The following MEGF11 variants were observed in gnomAD, a reference collection of about 807,000 sequenced individuals.
MEGF11 encodes multiple epidermal growth factor-like domains protein 11.
Under a neutral mutation model 146.6 loss-of-function variants are expected in MEGF11, and 126 were observed. The observed-to-expected ratio is 0.86, with a 90% confidence interval of 0.74 to 1.00. The LOEUF (loss-of-function observed/expected upper bound fraction) is 1.00, where lower values mean the gene tolerates loss of function less well. Among genes scored for constraint, MEGF11 ranks in the 50% least tolerant of loss-of-function variants. The probability of loss-of-function intolerance (pLI) is 0.00; values close to 1 mark genes in which losing one functional copy is unlikely to be tolerated. For missense variants in MEGF11, 1,509 were observed against 1,521.2 expected (o/e 0.99, Z 0.13); for synonymous variants, 532 against 583.4 (o/e 0.91, Z 1.27).
At chr15:66,040,602 C>A (rs556711127) in intron 5 of MEGF11, among the ~76,000 whole-genome samples, 71 of 152,236 alleles carry the variant, frequency 4.7e-4, no homozygotes, top group African/African-American at 1.6e-3. Flanking sequence ...AAGGTTCATG[C>A]CAAGGGCTGA....
At chr15:65,912,240 G>T in intron 20 of MEGF11, 40 bp from the exon 21 acceptor site, 3 of 1,172,546 alleles carry the variant, frequency 2.6e-6, no homozygotes, top group Admixed American at 8.5e-5. Flanking sequence ...TCATACCCCT[G>T]CCCCTGGCAT....
At chr15:65,984,924 A>G (rs1441756240) in intron 5 of MEGF11, among the ~76,000 whole-genome samples, 3 of 151,844 alleles carry the variant, frequency 2.0e-5, no homozygotes, top group African/African-American at 7.3e-5. Context: ...GCCTGCCACC[A>G]CGCCTGGCTA....
intron 5 of MEGF11, among the ~76,000 whole-genome samples, chr15:66,026,257 T>C (rs1376217183): frequency 6.6e-6 from 1 of 152,102 alleles, no homozygotes; most frequent in Non-Finnish European, 1.5e-5. Context: ...ATTCAGGAGG[T>C]GTGGCGAGGA....
intron 5 of MEGF11, among the ~76,000 whole-genome samples, chr15:66,076,372 G>A (rs143687442): frequency 8.2e-4 from 124 of 152,076 alleles, no homozygotes; most frequent in African/African-American, 2.9e-3. Context: ...ATACCAAGTG[G>A]CATAACTATG....
intron 24 of MEGF11, among the ~76,000 whole-genome samples, chr15:65,901,101 CTG>C (rs1310308089): frequency 1.3e-5 from 2 of 152,220 alleles, no homozygotes; most frequent in Non-Finnish European, 1.5e-5. Flanking sequence ...GGACCCTTGA[CTG>C]TGACCTGCCC....
At chr15:66,141,236 GTGTGTGTGTGTGTGTGTGTGT>G (rs2089137035) in intron 1 of MEGF11, among the ~76,000 whole-genome samples, 6 of 58,354 alleles carry the variant, frequency 1.0e-4, no homozygotes, top group Non-Finnish European at 2.0e-4. Context: ...ACTCAGGGGT[GTGTGTGTGTGTGTGTGTGTGT>G]GTGTGTGTGT....
intron 13 of MEGF11, among the ~76,000 whole-genome samples, chr15:65,924,876 G>C (rs185060346): frequency 4.6e-5 from 7 of 152,180 alleles, no homozygotes; most frequent in Admixed American, 2.6e-4. Context: ...TGATCCGCCC[G>C]CCTCAGCCTC....
In MEGF11 at chr15:65,916,136, A is replaced by G; in HGVS notation, c.2344+12T>C. The G allele has an allele frequency of 8.2e-6, 13 of 1,578,622 alleles. No individual in the cohort carries two copies. The highest frequency in any genetic ancestry group is 1.2e-5 in the South Asian group (1 of 86,360). On this transcript the variant is annotated intron_variant, in intron 18 of 25. Transcript: ENST00000395614. The stretch of plus-strand genomic sequence containing the variant: ...GCAGCATCACCCAGGATCAGGGGTC[A>G]GGGCAGCTTACTCTGCTCACAGTGT...
intron 1 of MEGF11, among the ~76,000 whole-genome samples, chr15:66,147,235 A>T (rs2089406858): frequency 6.6e-6 from 1 of 152,008 alleles, no homozygotes; most frequent in Admixed American, 6.5e-5. Flanking sequence ...CCCTCCTCCT[A>T]AATTCTGACT....
rs57646663 is a variant in MEGF11 at position 66,095,919 on chromosome 15, C to A, written c.302-1425G>T. ...TGCTGGAGAACCCAGTGGGCCTTGACCCCGGGGAACAGCTCCACTTAGAAC... is the reference window on the plus strand; with the variant it reads ...TGCTGGAGAACCCAGTGGGCCTTGAACCCGGGGAACAGCTCCACTTAGAAC... On this transcript the variant is annotated intron_variant, in intron 4 of 25. Transcript: ENST00000395614. Among the ~76,000 whole-genome samples, 403 of 152,316 alleles carry A rather than the reference C, an allele frequency of 2.6e-3. 4 individuals are homozygous for A. The highest frequency in any genetic ancestry group is 9.1e-3 in the African/African-American group (379 of 41,562).
intron 5 of MEGF11, among the ~76,000 whole-genome samples, chr15:66,025,401 A>G (rs2083294073): frequency 6.6e-6 from 1 of 151,800 alleles, no homozygotes; most frequent in South Asian, 2.1e-4. Context: ...GGGAGGAGGG[A>G]GGAGGGAGAG....
At chr15:66,047,069 C>T (rs2084237388) in intron 5 of MEGF11, among the ~76,000 whole-genome samples, 1 of 152,194 alleles carries the variant, frequency 6.6e-6, no homozygotes, top group Non-Finnish European at 1.5e-5. Flanking sequence ...AAAGCTGGGT[C>T]GAAAGGGAGC....
rs60520972 is a variant in MEGF11, at chr15:65,985,953, A to AT, written c.395-3466dup. ...TGCACATGTGTATGTTTGTGTCTGC[A>AT]TTTTTTTTTTTTTTTGAGACAGAGT... On this transcript the variant is annotated intron_variant, in intron 5 of 25. Transcript: ENST00000395614. Among the ~76,000 whole-genome samples, 1,396 of 140,306 alleles carry AT rather than the reference A, an allele frequency of 9.9e-3. 19 individuals are homozygous for AT. Among genetic ancestry groups the AT allele is most frequent in the Admixed American group, 0.026 (362 of 13,982 alleles). The allele number at this position is 140,306 out of a possible 152,430, so 92.0% of individuals were successfully genotyped here. A position where few individuals can be genotyped will look rare whatever the true frequency, so the allele number is the denominator to read the frequency against.
Position 65,897,900 on chromosome 15 carries a change from G to C in MEGF11, c.*34C>G, listed in dbSNP as rs778078259. 7.2e-5 allele frequency: 116 copies of C among 1,601,778 alleles called. No individual in the cohort carries two copies. Among genetic ancestry groups the C allele is most frequent in the Non-Finnish European group, 9.5e-5 (112 of 1,172,826 alleles). ...TCTTCTTTCAGAGTCAGAATATTCAGTAGAGCACACTGCAAGAGAGAAGCT... is the reference window on the plus strand; with the variant it reads ...TCTTCTTTCAGAGTCAGAATATTCACTAGAGCACACTGCAAGAGAGAAGCT... On this transcript the variant is annotated 3_prime_UTR_variant, in exon 26 of 26. Transcript: ENST00000395614.
intron 5 of MEGF11, among the ~76,000 whole-genome samples, chr15:66,022,707 G>C (rs1463368441): frequency 6.6e-6 from 1 of 151,454 alleles, no homozygotes; most frequent in Non-Finnish European, 1.5e-5. Context: ...GCGCATGCCT[G>C]TACTTCTAGC....
At chr15:66,173,585 G>T (rs1299677941) in intron 1 of MEGF11, among the ~76,000 whole-genome samples, 1 of 152,168 alleles carries the variant, frequency 6.6e-6, no homozygotes, top group African/African-American at 2.4e-5. Flanking sequence ...CCAAAGTGTG[G>T]CATTACAGGT....
At chr15:66,024,204 G>T (rs145428552) in intron 5 of MEGF11, among the ~76,000 whole-genome samples, 4 of 152,242 alleles carry the variant, frequency 2.6e-5, no homozygotes, top group Non-Finnish European at 5.9e-5. Flanking sequence ...AGCCACAAAG[G>T]CCTCCATTTA....
At chr15:66,170,079 T>C (rs755651779) in intron 1 of MEGF11, among the ~76,000 whole-genome samples, 1 of 152,310 alleles carries the variant, frequency 6.6e-6, no homozygotes, top group Non-Finnish European at 1.5e-5. Flanking sequence ...GCTCCTTTTG[T>C]TCATCTTTCT....
At chr15:66,139,144 C>G (rs902511709) in intron 1 of MEGF11, among the ~76,000 whole-genome samples, 2 of 152,210 alleles carry the variant, frequency 1.3e-5, no homozygotes, top group African/African-American at 4.8e-5. Flanking sequence ...ACAACCATCT[C>G]ACAGCCACAT....
Sources: allele counts gnomAD v4.1 joint callset (sites outside exome capture counted in the v4.1 genomes callset), GRCh38; gene constraint gnomAD v4.1.1; transcripts MANE v1.5; gene names NCBI Gene and HGNC (gene_info 2026-07-23, HGNC 2026-07-21).